The following TSPAN18 variants were observed in gnomAD, a reference collection of about 807,000 sequenced individuals.
TSPAN18 encodes tetraspanin 18.
A neutral mutation model predicts 27.3 loss-of-function variants in TSPAN18; 14 were observed. The ratio of observed to expected loss-of-function variants is 0.51; its 90% CI spans 0.34 to 0.80. TSPAN18 has a LOEUF of 0.80. Ranked by LOEUF, TSPAN18 falls within the 30% of genes least tolerant of loss-of-function variation. The probability of loss-of-function intolerance (pLI) is 0.01; values close to 1 mark genes in which losing one functional copy is unlikely to be tolerated. For missense variants in TSPAN18, 268 were observed against 323.9 expected, an observed-to-expected ratio of 0.83 and a Z score of 1.32; for synonymous variants, 143 against 136.5, an observed-to-expected ratio of 1.05 and a Z score of -0.33.
chr11:44,812,036 G>A (rs567901899), intron 2 of TSPAN18, among the ~76,000 whole-genome samples: 3 of 152,314 alleles, frequency 2.0e-5, no homozygotes, highest in African/African-American at 7.2e-5. Context: ...AACAGGCCCT[G>A]TGGTTTCCTT....
chr11:44,818,967 G>A lies in TSPAN18; in HGVS notation c.-152-41361G>A, dbSNP rs577624094. Among the ~76,000 whole-genome samples, 21 of 152,230 alleles carry A rather than the reference G, an allele frequency of 1.4e-4. No homozygotes were observed. In the South Asian group the frequency reaches 1.5e-3, roughly 11 times the overall value. On this transcript the variant is annotated intron_variant, in intron 2 of 9. Transcript: ENST00000520358. ...TCCCTCCCAACCCTGGTAGTCCAGGGTTGGGCCAGACAGAACCCTCCTGAG... is the reference window on the plus strand; with the variant it reads ...TCCCTCCCAACCCTGGTAGTCCAGGATTGGGCCAGACAGAACCCTCCTGAG...
At chr11:44,753,439 C>A (rs1469067164) in intron 1 of TSPAN18, among the ~76,000 whole-genome samples, 1 of 152,200 alleles carries the variant, frequency 6.6e-6, no homozygotes, top group Non-Finnish European at 1.5e-5. Context: ...GCCAGCGCAT[C>A]CATTTTCAAA....
chr11:44,808,710 C>T (rs11826982), intron 2 of TSPAN18, among the ~76,000 whole-genome samples: 5,724 of 152,212 alleles, frequency 0.038, 368 homozygotes, highest in African/African-American at 0.13. Context: ...TATAATTTAA[C>T]GTTTCTTGGA....
At chr11:44,757,618 C>A (rs1245749167) in intron 1 of TSPAN18, among the ~76,000 whole-genome samples, 1 of 152,132 alleles carries the variant, frequency 6.6e-6, no homozygotes, top group East Asian at 1.9e-4. Context: ...CTCTTGGGCT[C>A]AAGAGATCTG....
chr11:44,816,760 G>A (rs1856825397), intron 2 of TSPAN18, among the ~76,000 whole-genome samples: 1 of 152,218 alleles, frequency 6.6e-6, no homozygotes, highest in Non-Finnish European at 1.5e-5. Flanking sequence ...CTTCCTGGGG[G>A]AGTCTGCTCC....
At chr11:44,746,381 G>C (rs2134840213) in intron 1 of TSPAN18, among the ~76,000 whole-genome samples, 1 of 152,264 alleles carries the variant, frequency 6.6e-6, no homozygotes, top group Middle Eastern at 3.4e-3. Context: ...TTACTATCTT[G>C]GTGATTTGGG....
At chr11:44,793,460 C>T (rs1199242333) in intron 2 of TSPAN18, among the ~76,000 whole-genome samples, 5 of 152,138 alleles carry the variant, frequency 3.3e-5, no homozygotes, top group African/African-American at 7.2e-5. Flanking sequence ...GCCAGTGACC[C>T]AGGGGTTTCC....
At chr11:44,852,163 G>A (rs546943090) in intron 2 of TSPAN18, among the ~76,000 whole-genome samples, 3 of 152,282 alleles carry the variant, frequency 2.0e-5, no homozygotes, top group South Asian at 4.1e-4. Context: ...TCAGCTCTAG[G>A]CACCAAGTTT....
At chr11:44,923,961 G>C (rs1860243502) in intron 8 of TSPAN18, among the ~76,000 whole-genome samples, 1 of 152,166 alleles carries the variant, frequency 6.6e-6, no homozygotes, top group African/African-American at 2.4e-5. Context: ...CAAGGCCCAG[G>C]TGCCACACAG....
intron 2 of TSPAN18, among the ~76,000 whole-genome samples, chr11:44,855,658 T>G (rs2135199325): frequency 6.6e-6 from 1 of 152,028 alleles, no homozygotes; most frequent in South Asian, 2.1e-4. Flanking sequence ...CACCTCAAAT[T>G]AACCCTCACA....
intron 2 of TSPAN18, among the ~76,000 whole-genome samples, chr11:44,778,999 C>T (rs1325069751): frequency 6.6e-6 from 1 of 152,132 alleles, no homozygotes; most frequent in Non-Finnish European, 1.5e-5. Context: ...TCGGTCTATG[C>T]AGTAAGAGCC....
Position 44,929,376 on chromosome 11 carries a change from C to A in TSPAN18, c.*198C>A. 1 of 667,314 alleles carries A rather than the reference C, an allele frequency of 1.5e-6. No individual in the cohort carries two copies. Among genetic ancestry groups the A allele is most frequent in the Non-Finnish European group, 2.5e-6 (1 of 400,198 alleles). 41.3% of individuals were successfully genotyped at this position (667,314 alleles called of 1,614,324 possible). ...AAGACAAAAATATGGACTGATGTATCCTCGCCTGGACTCAGGGCAGGTGCC... is the reference window on the plus strand; with the variant it reads ...AAGACAAAAATATGGACTGATGTATACTCGCCTGGACTCAGGGCAGGTGCC... On this transcript the variant is annotated 3_prime_UTR_variant, in exon 10 of 10. Transcript: ENST00000520358.
intron 2 of TSPAN18, among the ~76,000 whole-genome samples, chr11:44,816,663 G>A (rs1856823903): frequency 6.6e-6 from 1 of 152,226 alleles, no homozygotes; most frequent in African/African-American, 2.4e-5. Flanking sequence ...AGCTGGTGCT[G>A]ACTGGTAGCT....
chr11:44,783,992 A>AG (rs1268325776), intron 2 of TSPAN18, among the ~76,000 whole-genome samples: 1 of 152,178 alleles, frequency 6.6e-6, no homozygotes, highest in Non-Finnish European at 1.5e-5. Context: ...ACAGCCAGGG[A>AG]GGGGTCAGAG....
intron 2 of TSPAN18, among the ~76,000 whole-genome samples, chr11:44,776,094 G>A (rs2134932968): frequency 6.6e-6 from 1 of 152,364 alleles, no homozygotes; most frequent in Admixed American, 6.5e-5. Flanking sequence ...GTAAATGTCA[G>A]TCTTCACCGA....
chr11:44,774,971 C>A (rs2134928579), intron 2 of TSPAN18, among the ~76,000 whole-genome samples: 1 of 152,340 alleles, frequency 6.6e-6, no homozygotes, highest in African/African-American at 2.4e-5. Flanking sequence ...AAAGTCCGTT[C>A]AGTTGGGCTT....
chr11:44,896,711 G>A (rs976002602), intron 3 of TSPAN18, among the ~76,000 whole-genome samples: 15 of 151,972 alleles, frequency 9.9e-5, no homozygotes, highest in East Asian at 1.9e-4. Context: ...GAGTTATGCC[G>A]GTGGAGTTAG....
At chr11:44,916,260 A>T (rs540706873) in intron 5 of TSPAN18, among the ~76,000 whole-genome samples, 84 of 152,296 alleles carry the variant, frequency 5.5e-4, no homozygotes, top group Non-Finnish European at 1.1e-3. Context: ...GATGCTGAAG[A>T]ATCAGGGAGG....
At chr11:44,806,237 G>A (rs933349401) in intron 2 of TSPAN18, among the ~76,000 whole-genome samples, 3 of 152,070 alleles carry the variant, frequency 2.0e-5, no homozygotes, top group African/African-American at 7.2e-5. Context: ...GTTTTGCCAT[G>A]TTGGCCAGGC....
Sources: gnomAD v4.1 joint callset for allele counts (sites outside exome capture counted in the v4.1 genomes callset) on GRCh38, gnomAD v4.1.1 for gene constraint, MANE v1.5 for transcripts, NCBI Gene and HGNC (gene_info 2026-07-23, HGNC 2026-07-21) for gene names.